Variants in TTC39B observed in about 807,000 individuals in gnomAD.
The protein encoded by TTC39B is tetratricopeptide repeat protein 39B.
In TTC39B, 92 loss-of-function variants were observed where a neutral mutation model predicts 96.6. That is an observed-to-expected ratio of 0.95 (90% CI 0.80 to 1.13). TTC39B has a LOEUF of 1.13. Ranked by LOEUF, TTC39B falls within the 50% of genes most tolerant of loss-of-function variation. TTC39B has a pLI of 0.00. For synonymous variants in TTC39B, 367 were observed against 299.4 expected (o/e 1.23, Z -2.33); for missense variants, 955 against 809.3 (o/e 1.18, Z -2.18).
intron 18 of TTC39B, among the ~76,000 whole-genome samples, chr9:15,177,197 G>C (rs1315686340): frequency 6.6e-6 from 1 of 152,136 alleles, no homozygotes; most frequent in African/African-American, 2.4e-5. Context: ...GCCAGGCATA[G>C]TAGTGCACAC....
chr9:15,220,626 T>C (rs1000848741), intron 3 of TTC39B, among the ~76,000 whole-genome samples: 3 of 151,918 alleles, frequency 2.0e-5, no homozygotes, highest in Non-Finnish European at 1.5e-5. Context: ...GAAAGAATAA[T>C]AGGGTGCTCA....
chr9:15,211,937 T>A (rs1339605361), intron 4 of TTC39B, among the ~76,000 whole-genome samples: 3 of 152,222 alleles, frequency 2.0e-5, no homozygotes, highest in Non-Finnish European at 4.4e-5. Flanking sequence ...TCCCATTATC[T>A]GAAGTTCCTG....
intron 1 of TTC39B, among the ~76,000 whole-genome samples, chr9:15,272,927 T>C (rs1340388599): frequency 6.6e-6 from 1 of 152,168 alleles, no homozygotes; most frequent in Non-Finnish European, 1.5e-5. Context: ...GCCTGCTGCC[T>C]CCTGGGAGAT....
intron 7 of TTC39B, among the ~76,000 whole-genome samples, chr9:15,202,385 T>A (rs1819591089): frequency 6.6e-6 from 1 of 151,996 alleles, no homozygotes; most frequent in Non-Finnish European, 1.5e-5. Flanking sequence ...GAGGTAAACC[T>A]CCAGGAAAAG....
intron 1 of TTC39B, among the ~76,000 whole-genome samples, chr9:15,283,033 T>A (rs549735073): frequency 1.3e-5 from 2 of 152,330 alleles, no homozygotes; most frequent in African/African-American, 4.8e-5. Context: ...ACTATTTGTT[T>A]CACGTCTGCC....
At chr9:15,277,032 C>G (rs139179756) in intron 1 of TTC39B, among the ~76,000 whole-genome samples, 26 of 152,294 alleles carry the variant, frequency 1.7e-4, no homozygotes, top group African/African-American at 6.0e-4. Context: ...ATATTTACAG[C>G]AAATAGGTAG....
intron 2 of TTC39B, among the ~76,000 whole-genome samples, chr9:15,265,953 G>A (rs991520933): frequency 6.6e-6 from 1 of 152,188 alleles, no homozygotes; most frequent in African/African-American, 2.4e-5. Context: ...CAGCCAAGAG[G>A]AGCCTAAGGG....
At chr9:15,195,950 A>G (rs376983765) in intron 8 of TTC39B, among the ~76,000 whole-genome samples, 2 of 152,170 alleles carry the variant, frequency 1.3e-5, no homozygotes, top group South Asian at 2.1e-4. Flanking sequence ...ATGGAAGCCA[A>G]TGTTCACTTA....
At position 15,192,572 on chromosome 9, in the gene TTC39B, A is replaced by G; in HGVS notation, c.930+18T>C. Reference sequence around the variant, plus strand: ...TTCTTCTACAAAAGTTCTGGTTTCTATACAGTGATTTCCTTACCAAATTAA... The same window carrying G: ...TTCTTCTACAAAAGTTCTGGTTTCTGTACAGTGATTTCCTTACCAAATTAA... On this transcript the variant is annotated intron_variant, in intron 9 of 19. Transcript: ENST00000512701. The G allele has an allele frequency of 1.9e-6, 3 of 1,596,578 alleles. No homozygotes were observed. The South Asian group carries it at 3.3e-5, about 18-fold the overall frequency.
Position 15,267,958 on chromosome 9 carries a change from A to AT in TTC39B, c.241-11dup. 1.9e-6 allele frequency: 3 copies of AT among 1,609,276 alleles called. No homozygotes were observed. Among genetic ancestry groups the AT allele is most frequent in the Non-Finnish European group, 2.5e-6 (3 of 1,178,642 alleles). On this transcript the variant is annotated splice_polypyrimidine_tract_variant and intron_variant, in intron 1 of 19. Coordinates refer to ENST00000512701, the Ensembl canonical transcript of TTC39B. ...CATCTTCGAAAACGTCCTGGGGGAA[A>AT]TAAAAAATACAATGAGTTTCTCAAG... is the stretch of plus-strand genomic sequence containing the variant.
At chr9:15,215,996 T>C (rs1442394247) in intron 3 of TTC39B, among the ~76,000 whole-genome samples, 2 of 152,242 alleles carry the variant, frequency 1.3e-5, no homozygotes, top group African/African-American at 4.8e-5. Context: ...GCCCCTTCAG[T>C]GACTCTTCTA....
chr9:15,212,542 C>T lies in TTC39B; in HGVS notation c.483-1145G>A, dbSNP rs186110176. 1.6e-4 allele frequency among the ~76,000 whole-genome samples: 24 copies of T among 152,314 alleles called. 1 individual carries two copies. Among genetic ancestry groups the T allele is most frequent in the African/African-American group, 5.5e-4 (23 of 41,566 alleles). On this transcript the variant is annotated intron_variant, in intron 4 of 19. Transcript: ENST00000512701. Reference sequence around the variant, plus strand: ...CCGGGTTCAAGTGATTCTCCTGCCTCGGCTTCCCGAGTAGCTGGGATTACA... The same window carrying T: ...CCGGGTTCAAGTGATTCTCCTGCCTTGGCTTCCCGAGTAGCTGGGATTACA...
At chr9:15,287,104 G>A (rs1348031848) in intron 1 of TTC39B, among the ~76,000 whole-genome samples, 3 of 152,120 alleles carry the variant, frequency 2.0e-5, no homozygotes, top group Admixed American at 6.5e-5. Context: ...GATATTGGGG[G>A]TCTGCTTGAT....
intron 3 of TTC39B, among the ~76,000 whole-genome samples, chr9:15,223,417 CG>C (rs1031828696): frequency 6.6e-6 from 1 of 152,196 alleles, no homozygotes; most frequent in African/African-American, 2.4e-5. Flanking sequence ...ACTTGACATC[CG>C]GGGTGTCTCA....
chr9:15,229,596 C>G (rs1821313228), intron 2 of TTC39B, among the ~76,000 whole-genome samples: 1 of 152,202 alleles, frequency 6.6e-6, no homozygotes, highest in Non-Finnish European at 1.5e-5. Context: ...ACCAGGTTTA[C>G]CATCTTGCTG....
chr9:15,278,485 T>C (rs1823632137), intron 1 of TTC39B, among the ~76,000 whole-genome samples: 1 of 152,242 alleles, frequency 6.6e-6, no homozygotes, highest in Non-Finnish European at 1.5e-5. Flanking sequence ...TTGTAAATCA[T>C]TTACTATGTC....
At chr9:15,170,292 C>T (rs1817605896) in exon 20 of TTC39B, 2 of 152,100 alleles carry the variant, frequency 1.3e-5, no homozygotes, top group Admixed American at 1.3e-4. Flanking sequence ...TGGCAGGGAA[C>T]GGCAGGAGCA....
At chr9:15,247,756 A>G (rs757836346) in intron 2 of TTC39B, among the ~76,000 whole-genome samples, 4 of 151,782 alleles carry the variant, frequency 2.6e-5, no homozygotes, top group Non-Finnish European at 4.4e-5. Context: ...ACCTCTGGGC[A>G]TGAGGCAAAA....
chr9:15,167,196 A>T (rs1817545973), exon 20 of TTC39B: 1 of 111,216 alleles, frequency 9.0e-6, no homozygotes, highest in Non-Finnish European at 1.7e-5. Flanking sequence ...TCCACCATGC[A>T]CGGCTCATTT....
Sources: gnomAD v4.1 joint callset for allele counts (sites outside exome capture counted in the v4.1 genomes callset) on GRCh38, gnomAD v4.1.1 for gene constraint, MANE v1.5 for transcripts, NCBI Gene and HGNC (gene_info 2026-07-23, HGNC 2026-07-21) for gene names.